Variants in GABRB2 observed in about 807,000 individuals in gnomAD.
GABRB2 encodes the protein gamma-aminobutyric acid type A receptor subunit beta2.
Under a neutral mutation model 54.7 loss-of-function variants are expected in GABRB2, and 16 were observed. The observed-to-expected ratio is 0.29, with a 90% CI of 0.20 to 0.44. GABRB2 has a LOEUF of 0.44. Ranked by LOEUF, GABRB2 falls within the 20% of genes least tolerant of loss-of-function variation. The pLI is 1.00. For synonymous variants in GABRB2, 244 were observed against 233.8 expected (o/e 1.04, Z -0.40); for missense variants, 355 against 644.0 (o/e 0.55, Z 4.86).
At chr5:161,387,073 T>C (rs1755663095) in intron 5 of GABRB2, among the ~76,000 whole-genome samples, 1 of 152,088 alleles carries the variant, frequency 6.6e-6, no homozygotes, top group Non-Finnish European at 1.5e-5. Context: ...TTTTAGTTTT[T>C]ATATTTATAT....
chr5:161,375,004 T>C (rs1172850677), intron 5 of GABRB2, among the ~76,000 whole-genome samples: 3 of 152,214 alleles, frequency 2.0e-5, no homozygotes, highest in African/African-American at 7.2e-5. Flanking sequence ...TTGCATGTTT[T>C]ACTATTGCTA....
At chr5:161,436,017 G>T (rs1160546651) in intron 4 of GABRB2, among the ~76,000 whole-genome samples, 1 of 152,020 alleles carries the variant, frequency 6.6e-6, no homozygotes, top group Non-Finnish European at 1.5e-5. Context: ...AAGGTAACAG[G>T]GGCAATACAG....
intron 4 of GABRB2, among the ~76,000 whole-genome samples, chr5:161,413,318 T>C (rs1022529010): frequency 6.6e-6 from 1 of 152,270 alleles, no homozygotes; most frequent in East Asian, 1.9e-4. Flanking sequence ...AGAGGTTCTT[T>C]TTATATTTTA....
chr5:161,308,563 T>C (rs950977901), intron 9 of GABRB2, among the ~76,000 whole-genome samples: 1 of 152,154 alleles, frequency 6.6e-6, no homozygotes, highest in Non-Finnish European at 1.5e-5. Context: ...AAGGCAATCA[T>C]AAGCAAAAAG....
chr5:161,404,718 T>C (rs531104258), intron 5 of GABRB2, among the ~76,000 whole-genome samples: 1 of 152,198 alleles, frequency 6.6e-6, no homozygotes, highest in South Asian at 2.1e-4. Context: ...ACATACGCTG[T>C]TCTACTTTAA....
In GABRB2 at chr5:161,293,847, C is replaced by T; in HGVS notation, c.*234G>A. On this transcript the variant is annotated 3_prime_UTR_variant, in exon 10 of 10. Transcript: ENST00000393959. Reference sequence around the variant, plus strand: ...ACATGGAGCACTCAGGCTGTCTAGCCACCATGTGTAAAAATCACTTGCGTT... The same window carrying T: ...ACATGGAGCACTCAGGCTGTCTAGCTACCATGTGTAAAAATCACTTGCGTT... 1 of 516,810 alleles carries T rather than the reference C, an allele frequency of 1.9e-6. No individual in the cohort carries two copies. Among genetic ancestry groups the T allele is most frequent in the Non-Finnish European group, 3.5e-6 (1 of 288,302 alleles). The allele number at this position is 516,810 out of a possible 1,614,324, so 32.0% of individuals were successfully genotyped here. A position where few individuals can be genotyped will look rare whatever the true frequency, so the allele number is the denominator to read the frequency against.
intron 3 of GABRB2, among the ~76,000 whole-genome samples, chr5:161,531,012 A>G (rs1760443876): frequency 6.6e-6 from 1 of 152,160 alleles, no homozygotes; most frequent in South Asian, 2.1e-4. Flanking sequence ...TTCATTTGGC[A>G]AAAGAAACAC....
chr5:161,437,530 C>T (rs1259462053), intron 4 of GABRB2, among the ~76,000 whole-genome samples: 2 of 152,012 alleles, frequency 1.3e-5, no homozygotes, highest in Admixed American at 1.3e-4. Context: ...TTGGGTTATC[C>T]TTTGAATCTT....
intron 4 of GABRB2, among the ~76,000 whole-genome samples, chr5:161,411,723 C>T (rs536112585): frequency 1.4e-4 from 21 of 151,956 alleles, no homozygotes; most frequent in African/African-American, 9.6e-5. Flanking sequence ...TAAATAAATA[C>T]GTTCCTTCAA....
At chr5:161,397,565 T>C (rs1403608674) in intron 5 of GABRB2, among the ~76,000 whole-genome samples, 1 of 152,200 alleles carries the variant, frequency 6.6e-6, no homozygotes. Flanking sequence ...AGAAGTCCTG[T>C]TTATCAGAAA....
In GABRB2 at chr5:161,290,736, TA is replaced by T. The variant is rs1358612009; in HGVS notation, c.*3344del. 4 of 152,688 alleles carry T rather than the reference TA, an allele frequency of 2.6e-5. No individual in the cohort carries two copies. Among genetic ancestry groups the T allele is most frequent in the Non-Finnish European group, 5.9e-5 (4 of 67,992 alleles). The allele number at this position is 152,688 out of a possible 1,614,324, so 9.5% of individuals were successfully genotyped here. On this transcript the variant is annotated 3_prime_UTR_variant, in exon 10 of 10. Coordinates refer to ENST00000393959, the MANE Select transcript of GABRB2 (RefSeq NM_001371727.1). ...TCTTGTTGAGTATGAAGGTAATCATTAAACTGGAACACGGTTACCTATAGAA... is the reference window on the plus strand; with the variant it reads ...TCTTGTTGAGTATGAAGGTAATCATTAACTGGAACACGGTTACCTATAGAA...
At chr5:161,424,124 G>A (rs1033936523) in intron 4 of GABRB2, among the ~76,000 whole-genome samples, 3 of 152,142 alleles carry the variant, frequency 2.0e-5, no homozygotes, top group Non-Finnish European at 4.4e-5. Context: ...AGGAAAGAAG[G>A]CATCTCCATA....
intron 3 of GABRB2, among the ~76,000 whole-genome samples, chr5:161,510,650 C>T (rs1477152885): frequency 6.6e-6 from 1 of 151,718 alleles, no homozygotes; most frequent in Non-Finnish European, 1.5e-5. Flanking sequence ...TTTGTTTTGT[C>T]TGAGATGGAG....
At chr5:161,453,700 T>G (rs935835463) in intron 4 of GABRB2, among the ~76,000 whole-genome samples, 2 of 152,156 alleles carry the variant, frequency 1.3e-5, no homozygotes, top group African/African-American at 4.8e-5. Flanking sequence ...ACTTTCAATA[T>G]TCTTTGGTCA....
At chr5:161,490,778 A>G (rs1281012862) in intron 3 of GABRB2, among the ~76,000 whole-genome samples, 1 of 151,760 alleles carries the variant, frequency 6.6e-6, no homozygotes, top group East Asian at 1.9e-4. Context: ...CTCCTGGTGA[A>G]CATTTTCTTC....
intron 4 of GABRB2, among the ~76,000 whole-genome samples, chr5:161,436,523 ACG>A (rs1390628482): frequency 2.7e-5 from 4 of 147,658 alleles, no homozygotes; most frequent in African/African-American, 7.6e-5. Flanking sequence ...ACAGAGCAAG[ACG>A]CTGTCGAAAA....
chr5:161,323,598 T>A (rs1758279575), intron 9 of GABRB2, among the ~76,000 whole-genome samples: 1 of 152,166 alleles, frequency 6.6e-6, no homozygotes, highest in Non-Finnish European at 1.5e-5. Flanking sequence ...GTGTTGATAG[T>A]TTCTATTTTA....
intron 3 of GABRB2, among the ~76,000 whole-genome samples, chr5:161,463,568 T>G (rs1289287040): frequency 4.6e-5 from 5 of 109,258 alleles, no homozygotes; most frequent in African/African-American, 1.3e-4. Flanking sequence ...TATATATATA[T>G]ATATATATAT....
chr5:161,357,470 G>T lies in GABRB2; in HGVS notation c.542-20701C>A, dbSNP rs2113445608. Among the ~76,000 whole-genome samples the T allele has an allele frequency of 2.0e-5, 3 of 148,160 alleles. 1 individual carries two copies. In the South Asian group the frequency reaches 6.4e-4, roughly 32 times the overall value. ...ATAATACTCAATCTTATAGGCTATT[G>T]TTTGGAATTTGAGTGAGAGTTTTCA... is the stretch of plus-strand genomic sequence containing the variant. On this transcript the variant is annotated intron_variant, in intron 5 of 9. Coordinates refer to ENST00000393959, the MANE Select transcript of GABRB2 (RefSeq NM_001371727.1).
Sources: allele counts gnomAD v4.1 joint callset (sites outside exome capture counted in the v4.1 genomes callset), GRCh38; gene constraint gnomAD v4.1.1; transcripts MANE v1.5; gene names NCBI Gene and HGNC (gene_info 2026-07-23, HGNC 2026-07-21).